CAPN10: variants seen among roughly 807,000 people sequenced by gnomAD.
The protein encoded by CAPN10 is calpain-10.
A neutral mutation model predicts 78.4 loss-of-function variants in CAPN10; 71 were observed. The ratio of observed to expected loss-of-function variants is 0.91; its 90% CI spans 0.75 to 1.10. CAPN10 has a LOEUF of 1.10. Ranked by LOEUF, CAPN10 falls within the 50% of genes least tolerant of loss-of-function variation. The probability of loss-of-function intolerance (pLI) is 0.00; values close to 1 mark genes in which losing one functional copy is unlikely to be tolerated. For missense variants in CAPN10, 849 were observed against 924.6 expected (o/e 0.92, Z 1.06); for synonymous variants, 437 against 407.2 (o/e 1.07, Z -0.88).
rs1375056439 is a variant in CAPN10 at position 240,598,854 on chromosome 2, G to A, written c.*174G>A. 4 of 640,544 alleles carry A rather than the reference G, an allele frequency of 6.2e-6. No individual in the cohort carries two copies. Among genetic ancestry groups the A allele is most frequent in the South Asian group, 5.7e-5 (3 of 52,188 alleles). The allele number at this position is 640,544 out of a possible 1,614,324, so 39.7% of individuals were successfully genotyped here. ...TCCACGGGAAGCCTCCGTCAGGAGA[G>A]ACGCAGCCCTGGGGGCCAGCTGGTG... On this transcript the variant is annotated 3_prime_UTR_variant, in exon 12 of 12. Coordinates refer to ENST00000391984, the MANE Select transcript of CAPN10 (RefSeq NM_023083.4).
chr2:240,594,052 G>A lies in CAPN10; in HGVS notation c.830+5G>A. 6.3e-7 allele frequency: 1 copy of A among 1,592,464 alleles called. No homozygotes were observed. ...GCAGGGGCTCTGGAGAGAGGGGTGA[G>A]TGCTGGGGCCTGGACCATGCTGCTG... On this transcript the variant is annotated splice_donor_5th_base_variant and intron_variant, in intron 5 of 11. Coordinates refer to ENST00000391984, the MANE Select transcript of CAPN10 (RefSeq NM_023083.4).
chr2:240,596,960 G>A lies in CAPN10; in HGVS notation c.1743+18G>A. Reference sequence around the variant, plus strand: ...TCTTCCAGGCAAGCTCCTTGCCCCAGGGAGGGAGGGGGAGCAGAAGGGGCC... The same window carrying A: ...TCTTCCAGGCAAGCTCCTTGCCCCAAGGAGGGAGGGGGAGCAGAAGGGGCC... On this transcript the variant is annotated intron_variant, in intron 9 of 11. Transcript: ENST00000391984. The A allele has an allele frequency of 6.2e-7, 1 of 1,613,170 alleles. No individual in the cohort carries two copies. Among genetic ancestry groups the A allele is most frequent in the Non-Finnish European group, 8.5e-7 (1 of 1,179,930 alleles).
At chr2:240,591,876 G>A (rs540457455) in intron 3 of CAPN10, 57 bp from the exon 4 acceptor site, 2 of 1,493,972 alleles carry the variant, frequency 1.3e-6, no homozygotes, top group African/African-American at 2.7e-5. Flanking sequence ...ATGGGAATCA[G>A]AGAGGGGGCC....
chr2:240,595,839 A>C, intron 7 of CAPN10: 1 of 830,016 alleles, frequency 1.2e-6, no homozygotes, highest in Non-Finnish European at 1.8e-6. Context: ...GGAAGAACAG[A>C]TGGGGGCGCC....
At chr2:240,595,647 G>A (rs1025944314) in intron 7 of CAPN10, among the ~76,000 whole-genome samples, 2 of 152,244 alleles carry the variant, frequency 1.3e-5, no homozygotes, top group Non-Finnish European at 2.9e-5. Flanking sequence ...GCCAGCGGCT[G>A]AGGACCTGTC....
Position 240,598,658 on chromosome 2 carries a change from T to A in CAPN10, c.1997T>A (p.Ile666Asn). The A allele has an allele frequency of 6.3e-7, 1 of 1,578,062 alleles. No individual in the cohort carries two copies. Among genetic ancestry groups the A allele is most frequent in the South Asian group, 1.2e-5 (1 of 85,988 alleles). Residue 666 changes from isoleucine (I) to asparagine (N), a missense_variant, in exon 12 of 12, where the codon ATC (isoleucine) becomes AAC (asparagine). Ile to Asn is a moderately radical substitution (Grantham distance 149). Transcript: ENST00000391984. ...CCCCATCTGTCTTTGCAGGTCTCCA[T>A]CATGGCAGTGATGAAAACCTAACAG... ...MLGQFLQEVS[I>N]MAVMKT is the part of the protein sequence containing the mutation.
intron 3 of CAPN10, 176 bp downstream of exon 3, chr2:240,591,187 T>G (rs2093099624): frequency 1.6e-6 from 1 of 612,826 alleles, no homozygotes; most frequent in East Asian, 2.8e-5. Context: ...GATTCTTCTT[T>G]TGGGCCTGTG....
intron 1 of CAPN10, among the ~76,000 whole-genome samples, chr2:240,587,846 G>C (rs114382813): frequency 6.6e-6 from 1 of 152,192 alleles, no homozygotes; most frequent in Admixed American, 6.5e-5. Context: ...GGCCACTAGA[G>C]GGTTTTGGTA....
intron 3 of CAPN10, chr2:240,591,353 C>T (rs2093100857): frequency 7.1e-6 from 2 of 280,276 alleles, no homozygotes; most frequent in African/African-American, 4.4e-5. Flanking sequence ...CAGGCAGACT[C>T]ATTGTGTAGT....
chr2:240,594,172 C>T, intron 5 of CAPN10, 125 bp downstream of exon 5: 2 of 1,035,924 alleles, frequency 1.9e-6, no homozygotes, highest in African/African-American at 1.6e-5. Flanking sequence ...CCCCTGAGTC[C>T]CTGCTCTCGT....
chr2:240,593,355 G>T (rs192229063), intron 4 of CAPN10, among the ~76,000 whole-genome samples: 4 of 152,212 alleles, frequency 2.6e-5, no homozygotes, highest in African/African-American at 9.6e-5. Context: ...CTAGACCGTT[G>T]CCCCGCCACA....
At chr2:240,592,716 A>G (rs2125460789) in intron 4 of CAPN10, 2 of 346,876 alleles carry the variant, frequency 5.8e-6, no homozygotes, top group South Asian at 2.2e-5. Context: ...TCAGTTTTCC[A>G]TGAGCACGCA....
At chr2:240,597,351 GCAGCC>G (rs1280153181) in intron 9 of CAPN10, among the ~76,000 whole-genome samples, 1 of 152,206 alleles carries the variant, frequency 6.6e-6, no homozygotes, top group East Asian at 1.9e-4. Context: ...GCTGGCCACA[GCAGCC>G]CCTCGGGTGT....
At chr2:240,595,739 G>C (rs1340158368) in intron 7 of CAPN10, among the ~76,000 whole-genome samples, 16 of 152,260 alleles carry the variant, frequency 1.1e-4, no homozygotes, top group Admixed American at 1.0e-3. Context: ...TCCCCTGCAA[G>C]ACGGGGTCCT....
rs2093124210 is a variant in CAPN10, at chr2:240,594,622, G to T, written c.910G>T (p.Glu304Ter). The T allele has an allele frequency of 6.2e-7, 1 of 1,613,692 alleles. No individual in the cohort carries two copies. The highest frequency in any genetic ancestry group is 8.5e-7 in the Non-Finnish European group (1 of 1,179,694). Residue 304 changes from glutamate to a stop codon, truncating the protein, a stop_gained, in exon 6 of 12, where the codon GAG becomes TAG. Transcript: ENST00000391984. LOFTEE classifies it high-confidence loss of function. ...GCTCCAGGAAGGGGAGTTCTGGGTGGAGGAGGAGGAGTTCCTCAGGGAGTT... is the reference window on the plus strand; with the variant it reads ...GCTCCAGGAAGGGGAGTTCTGGGTGTAGGAGGAGGAGTTCCTCAGGGAGTT... The part of the protein sequence containing the change: ...SQLQEGEFWV[E>*]EEEFLREFDE...
In CAPN10 at chr2:240,593,979, G is replaced by A; in HGVS notation, c.762G>A (p.Gln254=). Residue 254 remains glutamine (Q), a synonymous_variant, in exon 5 of 12, where the codon CAG becomes CAA. Transcript: ENST00000391984. ...DLRELQGQAG[Q]CILLLRIQNP... ...GGGAGCTCCAGGGTCAGGCGGGCCA[G>A]TGCATCCTGCTGCTGCGGATCCAGA... The A allele has an allele frequency of 6.2e-7, 1 of 1,611,798 alleles. No individual in the cohort carries two copies. Among genetic ancestry groups the A allele is most frequent in the Non-Finnish European group, 8.5e-7 (1 of 1,178,596 alleles).
intron 9 of CAPN10, among the ~76,000 whole-genome samples, chr2:240,597,467 C>T (rs1295320733): frequency 6.6e-6 from 1 of 152,194 alleles, no homozygotes; most frequent in East Asian, 1.9e-4. Flanking sequence ...AGACATGTGT[C>T]CCCTGGAATG....
chr2:240,597,045 T>C (rs2093141518), intron 9 of CAPN10, 103 bp downstream of exon 9: 2 of 1,436,088 alleles, frequency 1.4e-6, no homozygotes, highest in Non-Finnish European at 9.6e-7. Flanking sequence ...GCTCAGTCAC[T>C]TGGGCTCCCC....
chr2:240,596,716 G>A lies in CAPN10; in HGVS notation c.1517G>A (p.Gly506Glu). 6.3e-7 allele frequency: 1 copy of A among 1,576,920 alleles called. No homozygotes were observed. Among genetic ancestry groups the A allele is most frequent in the Non-Finnish European group, 8.6e-7 (1 of 1,160,000 alleles). ...GCAGTGGCCAAGAACACCACCCCCG[G>A]GGCAGCCCTGCCTGCGGGGGAGTGG... ...IRAVAKNTTP[G>E]AALPAGEWGT... is the part of the protein sequence containing the mutation. The change falls in exon 9 of 12, where the codon GGG becomes GAG. Residue 506 changes from glycine to glutamate, a missense_variant. Gly to Glu is a moderately conservative substitution (Grantham distance 98). Transcript: ENST00000391984.
Sources: allele counts gnomAD v4.1 joint callset (sites outside exome capture counted in the v4.1 genomes callset), GRCh38; gene constraint gnomAD v4.1.1; transcripts MANE v1.5; gene names NCBI Gene and HGNC (gene_info 2026-07-23, HGNC 2026-07-21).